Variants in LRP3 observed in about 807,000 individuals in gnomAD.
The protein encoded by LRP3 is LDL receptor related protein 3.
In LRP3, 49 loss-of-function variants were observed where a neutral mutation model predicts 58.5. The observed-to-expected ratio is 0.84, with a 90% CI of 0.67 to 1.06. The LOEUF (loss-of-function observed/expected upper bound fraction) is 1.06, where lower values mean the gene tolerates loss of function less well. Ranked by LOEUF, LRP3 falls within the 50% of genes least tolerant of loss-of-function variation. LRP3 has a pLI of 0.00. For missense variants in LRP3, 1,019 were observed against 1,134.2 expected (o/e 0.90, Z 1.46); for synonymous variants, 485 against 492.2 (o/e 0.99, Z 0.20).
chr19:33,202,578 G>T (rs1311693486), intron 2 of LRP3, among the ~76,000 whole-genome samples: 1 of 152,188 alleles, frequency 6.6e-6, no homozygotes, highest in African/African-American at 2.4e-5. Flanking sequence ...TCCCAGCTCT[G>T]CCAGAGATGC....
chr19:33,201,221 G>T (rs1393289918), intron 2 of LRP3, among the ~76,000 whole-genome samples: 1 of 152,234 alleles, frequency 6.6e-6, no homozygotes, highest in Non-Finnish European at 1.5e-5. Flanking sequence ...CCGAGGCTGG[G>T]GGGAGGGATG....
chr19:33,205,488 T>G lies in LRP3; in HGVS notation c.718T>G (p.Cys240Gly). Residue 240 changes from cysteine (C) to glycine (G), a missense_variant, in exon 5 of 7, where the codon TGC becomes GGC. Physicochemically the swap from Cys to Gly is radical, Grantham distance 159. This residue lies in a region of LRP3 where 592 missense variants were observed against 725.5 expected (regional missense o/e 0.82). Transcript: ENST00000253193. Reference protein sequence around the residue: ...VERRCDGLQDCGDGSDEAGCP... With the variant: ...VERRCDGLQDGGDGSDEAGCP... Reference sequence around the variant, plus strand: ...GCGGCGCTGTGACGGCTTGCAGGACTGCGGCGACGGCTCGGATGAGGCGGG... The same window carrying G: ...GCGGCGCTGTGACGGCTTGCAGGACGGCGGCGACGGCTCGGATGAGGCGGG... 1.9e-6 allele frequency: 3 copies of G among 1,582,554 alleles called. No homozygotes were observed. Among genetic ancestry groups the G allele is most frequent in the Non-Finnish European group, 1.7e-6 (2 of 1,167,320 alleles).
chr19:33,196,396 AAAAAAT>A (rs139781842), intron 1 of LRP3, among the ~76,000 whole-genome samples: 3,586 of 152,236 alleles, frequency 0.024, 131 homozygotes, highest in African/African-American at 0.081. Flanking sequence ...CTACAAAAAT[AAAAAAT>A]AAAAAAATAA....
chr19:33,208,787 TTC>T lies in LRP3; in HGVS notation c.*1214_*1215del, dbSNP rs1223961212. On this transcript the variant is annotated 3_prime_UTR_variant, in exon 7 of 7. Coordinates refer to ENST00000253193, the MANE Select transcript of LRP3 (RefSeq NM_002333.4). This position sits in a 1 kb window ranked among gnomAD's most constrained non-coding sequence, Gnocchi z 4.7. ...CAGGCTTCTGAGAGTCGTATCTTTT[TTC>T]TTTTTTTTCCAGAAAAAAACAAAAC... 4 of 1,512,526 alleles carry T rather than the reference TTC, an allele frequency of 2.6e-6. No homozygotes were observed. In the African/African-American group the frequency reaches 4.1e-5, roughly 16 times the overall value. 93.7% of individuals were successfully genotyped at this position (1,512,526 alleles called of 1,614,324 possible).
At position 33,194,848 on chromosome 19, in the gene LRP3, C is replaced by T. The variant is rs1974268541; in HGVS notation, c.63C>T (p.Val21=). ...GAPGARAQLA[V]VCLVNIFLTG... is the part of the protein sequence containing the mutation. ...CGGGCGCCCGGGCGCAGCTGGCCGT[C>T]GTCTGTCTGGGTGAGTGGGCCGCGC... Residue 21 remains valine (V), a synonymous_variant, in exon 1 of 7, where the codon GTC becomes GTT. Transcript: ENST00000253193. The T allele has an allele frequency of 9.0e-7, 1 of 1,113,566 alleles. No individual in the cohort carries two copies. Among genetic ancestry groups the T allele is most frequent in the South Asian group, 4.3e-5 (1 of 23,414 alleles). The allele number at this position is 1,113,566 out of a possible 1,614,324, so 69.0% of individuals were successfully genotyped here.
chr19:33,198,848 C>T (rs1035582981), intron 2 of LRP3, among the ~76,000 whole-genome samples: 1 of 152,218 alleles, frequency 6.6e-6, no homozygotes, highest in Admixed American at 6.5e-5. Flanking sequence ...TCCCAGCTCC[C>T]CGTCGTCGGA....
chr19:33,195,499 AGAG>A (rs750578106), intron 1 of LRP3, among the ~76,000 whole-genome samples: 7 of 152,070 alleles, frequency 4.6e-5, no homozygotes, highest in Admixed American at 1.3e-4. Context: ...TGTGTAGGCG[AGAG>A]GAGGAGTTAA....
chr19:33,202,076 T>G (rs1974346753), intron 2 of LRP3, among the ~76,000 whole-genome samples: 1 of 152,196 alleles, frequency 6.6e-6, no homozygotes, highest in African/African-American at 2.4e-5. Context: ...TCCCTAACTG[T>G]GTGGCCCCAG....
intron 1 of LRP3, among the ~76,000 whole-genome samples, chr19:33,195,987 T>C (rs1025145033): frequency 2.0e-5 from 3 of 151,628 alleles, no homozygotes; most frequent in African/African-American, 7.3e-5. Context: ...CCCCGGGAAG[T>C]TGGGTTTCCC....
intron 2 of LRP3, among the ~76,000 whole-genome samples, chr19:33,198,831 G>T (rs1381369442): frequency 2.0e-5 from 3 of 152,224 alleles, no homozygotes; most frequent in Non-Finnish European, 1.5e-5. Context: ...CACGTCTGGG[G>T]TGGGACTCCC....
chr19:33,195,405 G>T (rs1027986132), intron 1 of LRP3, among the ~76,000 whole-genome samples: 2 of 152,106 alleles, frequency 1.3e-5, no homozygotes, highest in Admixed American at 1.3e-4. Context: ...CTTGGGTTGG[G>T]CCAGGGACCG....
intron 2 of LRP3, among the ~76,000 whole-genome samples, chr19:33,198,321 G>A (rs942971365): frequency 6.6e-6 from 1 of 152,194 alleles, no homozygotes; most frequent in African/African-American, 2.4e-5. Flanking sequence ...GGTCCACGTT[G>A]CCAAACTCCA....
chr19:33,205,685 C>T lies in LRP3; in HGVS notation c.915C>T (p.Asp305=), dbSNP rs765038304. Residue 305 remains aspartate (D), a synonymous_variant, in exon 5 of 7, where the codon GAC becomes GAT. Transcript: ENST00000253193. ...AGCTGGAACTGCGGCTGGGCTATGA[C>T]GACTACGTGCAGGTATACGAGGGCC... ...LLQLELRLGY[D]DYVQVYEGLG... 1.0e-5 allele frequency: 16 copies of T among 1,607,342 alleles called. No individual in the cohort carries two copies. The highest frequency in any genetic ancestry group is 4.4e-5 in the South Asian group (4 of 91,040).
chr19:33,202,462 A>G (rs1258339371), intron 2 of LRP3, among the ~76,000 whole-genome samples: 4 of 152,210 alleles, frequency 2.6e-5, no homozygotes, highest in African/African-American at 9.6e-5. Flanking sequence ...AGGATGGGCT[A>G]TGCCGGCTGG....
chr19:33,205,316 G>A lies in LRP3; in HGVS notation c.546G>A (p.Pro182=), dbSNP rs754196607. Residue 182 remains proline (P), a synonymous_variant, in exon 5 of 7, where the codon CCG becomes CCA. Coordinates refer to ENST00000253193, the MANE Select transcript of LRP3 (RefSeq NM_002333.4). ...ACAACGGCAAGTGCCTGCCCGGCCC[G>A]TGGCAGTGCAACACGGTGGACGAGT... ...RCDNGKCLPG[P]WQCNTVDECG... 43 of 1,612,024 alleles carry A rather than the reference G, an allele frequency of 2.7e-5. No individual in the cohort carries two copies. The highest frequency in any genetic ancestry group is 3.3e-4 in the Middle Eastern group (2 of 6,082).
chr19:33,194,955 C>G, intron 1 of LRP3, 97 bp downstream of exon 1: 1 of 550,596 alleles, frequency 1.8e-6, no homozygotes, highest in Non-Finnish European at 2.4e-6. Context: ...GCATCCCGAG[C>G]CCCCCACCGC....
intron 2 of LRP3, among the ~76,000 whole-genome samples, chr19:33,197,855 C>T (rs1264423955): frequency 6.6e-6 from 1 of 152,100 alleles, no homozygotes; most frequent in Non-Finnish European, 1.5e-5. Flanking sequence ...CTCACTGGCT[C>T]CTCTGGCAGG....
intron 2 of LRP3, among the ~76,000 whole-genome samples, chr19:33,197,092 G>A (rs971003826): frequency 2.0e-5 from 3 of 152,182 alleles, no homozygotes; most frequent in African/African-American, 4.8e-5. Flanking sequence ...CGAGGGTCCC[G>A]TGGAATTGAC....
In LRP3 at chr19:33,207,161, C is replaced by T. The variant is rs758605219; in HGVS notation, c.1899C>T (p.Thr633=). 39 of 1,537,574 alleles carry T rather than the reference C, an allele frequency of 2.5e-5. No individual in the cohort carries two copies. In the African/African-American group the frequency reaches 3.1e-4, roughly 12 times the overall value. ...TGACCGCAGCACGCCCCTCACAGAC[C>T]GTGCTGGGCGATGGCTTCCTCCAGC... The part of the protein sequence containing the change: ...PLLTAARPSQ[T]VLGDGFLQPA... Residue 633 remains threonine (T), a synonymous_variant, in exon 7 of 7, where the codon ACC becomes ACT. Coordinates refer to ENST00000253193, the MANE Select transcript of LRP3 (RefSeq NM_002333.4).
Sources: allele counts gnomAD v4.1 joint callset (sites outside exome capture counted in the v4.1 genomes callset), GRCh38; gene constraint gnomAD v4.1.1; regional missense constraint gnomAD v4.1.1; non-coding constraint Gnocchi (gnomAD v3.1); transcripts MANE v1.5; gene names NCBI Gene and HGNC (gene_info 2026-07-23, HGNC 2026-07-21).